Variants in NTRK1 observed in about 807,000 individuals in gnomAD.
NTRK1 encodes the protein neurotrophic receptor tyrosine kinase 1.
A neutral mutation model predicts 86.8 loss-of-function variants in NTRK1; 62 were observed. That is an observed-to-expected ratio of 0.71 (90% CI 0.58 to 0.88). NTRK1 has a LOEUF of 0.88. NTRK1 is among the 40% of genes least tolerant of loss of function. The probability of loss-of-function intolerance (pLI) is 0.00; values close to 1 mark genes in which losing one functional copy is unlikely to be tolerated. For synonymous variants in NTRK1, 469 were observed against 456.6 expected (o/e 1.03, Z -0.35); for missense variants, 967 against 1,078.4 (o/e 0.90, Z 1.45).
At chr1:156,867,837 C>T (rs933370426) in intron 4 of NTRK1, among the ~76,000 whole-genome samples, 6 of 151,502 alleles carry the variant, frequency 4.0e-5, no homozygotes, top group Admixed American at 3.3e-4. Context: ...CCATGCCTGG[C>T]TAAGTTTTTG....
intron 2 of NTRK1, chr1:156,845,081 G>T: frequency 6.2e-7 from 1 of 1,606,428 alleles, no homozygotes; most frequent in Non-Finnish European, 8.5e-7. Flanking sequence ...CCTACTGTGG[G>T]GCATGGTGCG....
At chr1:156,849,095 G>A (rs1352775375) in intron 2 of NTRK1, 1 of 1,602,118 alleles carries the variant, frequency 6.2e-7, no homozygotes, top group Non-Finnish European at 8.5e-7. Context: ...CCAGCTGCTT[G>A]AGCGCCCACC....
chr1:156,875,583 G>A lies in NTRK1; in HGVS notation c.1418G>A (p.Gly473Asp), dbSNP rs1239229213. The A allele has an allele frequency of 1.2e-6, 2 of 1,613,896 alleles. No individual in the cohort carries two copies. The highest frequency in any genetic ancestry group is 2.2e-5 in the East Asian group (1 of 44,876). The stretch of plus-strand genomic sequence containing the variant: ...TCCCTGCATTTCATGACATTGGGTG[G>A]CAGCTCCCTGTCCCCCACCGAGGGC... Reference protein sequence around the residue: ...AMSLHFMTLGGSSLSPTEGKG... With the variant: ...AMSLHFMTLGDSSLSPTEGKG... Residue 473 changes from glycine to aspartate, a missense_variant, in exon 12 of 17, where the codon GGC becomes GAC. Gly to Asp is a moderately conservative substitution (Grantham distance 94). This residue lies in a region of NTRK1 where 637 missense variants were observed against 776.5 expected (regional missense o/e 0.82). Coordinates refer to ENST00000524377, the MANE Select transcript of NTRK1 (RefSeq NM_002529.4).
Position 156,871,581 on chromosome 1 carries a change from G to C in NTRK1, c.718-42G>C, listed in dbSNP as rs780661901. On this transcript the variant is annotated intron_variant, in intron 6 of 16. Coordinates refer to ENST00000524377, the MANE Select transcript of NTRK1 (RefSeq NM_002529.4). ...AGACTTCAGCCCCAGCCCCAAGCTGGCTAAAGCTCCTTCTTATTCCCCCCT... is the reference window on the plus strand; with the variant it reads ...AGACTTCAGCCCCAGCCCCAAGCTGCCTAAAGCTCCTTCTTATTCCCCCCT... 3.9e-5 allele frequency: 63 copies of C among 1,613,068 alleles called. 1 individual carries two copies. The Middle Eastern group carries it at 6.6e-4, about 17-fold the overall frequency.
intron 11 of NTRK1, among the ~76,000 whole-genome samples, chr1:156,875,257 A>G (rs1647829071): frequency 6.6e-6 from 1 of 151,746 alleles, no homozygotes; most frequent in Non-Finnish European, 1.5e-5. Context: ...GATTGTAGTC[A>G]AGCATTAAGT....
chr1:156,881,221 G>A (rs1429326588), intron 16 of NTRK1, among the ~76,000 whole-genome samples: 1 of 152,190 alleles, frequency 6.6e-6, no homozygotes, highest in East Asian at 1.9e-4. Context: ...TTTTCTGGAA[G>A]CAATCCTACC....
chr1:156,835,499 A>G (rs1227016455), intron 1 of NTRK1, among the ~76,000 whole-genome samples: 1 of 152,212 alleles, frequency 6.6e-6, no homozygotes, highest in Non-Finnish European at 1.5e-5. Context: ...AAAAATCACA[A>G]AGAGAAAATA....
chr1:156,841,311 G>A (rs1654770334), intron 1 of NTRK1: 2 of 1,321,090 alleles, frequency 1.5e-6, no homozygotes, highest in Non-Finnish European at 1.1e-6. Flanking sequence ...AGCATCAGAG[G>A]AGGTGAGCCA....
At position 156,873,018 on chromosome 1, in the gene NTRK1, A is replaced by AGTGTGTGTGTGTGT. The variant is rs55870362; in HGVS notation, c.851-584_851-571dup. Among the ~76,000 whole-genome samples the AGTGTGTGTGTGTGT allele has an allele frequency of 2.8e-3, 372 of 131,016 alleles. 2 individuals are homozygous for AGTGTGTGTGTGTGT. Among genetic ancestry groups the AGTGTGTGTGTGTGT allele is most frequent in the Non-Finnish European group, 4.3e-3 (269 of 62,496 alleles). The allele number at this position is 131,016 out of a possible 152,430, so 86.0% of individuals were successfully genotyped here. A position where few individuals can be genotyped will look rare whatever the true frequency, so the allele number is the denominator to read the frequency against. On this transcript the variant is annotated intron_variant, in intron 7 of 16. Coordinates refer to ENST00000524377, the MANE Select transcript of NTRK1 (RefSeq NM_002529.4). ...CAAACGCATATCTTTTTTCAAAAAG[A>AGTGTGTGTGTGTGT]GTGTGTGTGTGTGTGTGTGTGTGTG...
intron 6 of NTRK1, among the ~76,000 whole-genome samples, chr1:156,869,617 G>A (rs536948572): frequency 6.6e-6 from 1 of 152,182 alleles, no homozygotes; most frequent in Non-Finnish European, 1.5e-5. Context: ...CTGCACTTTG[G>A]TTTTCTTATC....
At chr1:156,838,501 C>T (rs1250294687) in intron 1 of NTRK1, among the ~76,000 whole-genome samples, 1 of 152,080 alleles carries the variant, frequency 6.6e-6, no homozygotes, top group Non-Finnish European at 1.5e-5. Context: ...CCTTCCTTCT[C>T]CAGGTCAACC....
chr1:156,876,990 ATTATTTT>A (rs1480662693), intron 14 of NTRK1, among the ~76,000 whole-genome samples: 5 of 152,258 alleles, frequency 3.3e-5, no homozygotes, highest in Admixed American at 6.5e-5. Flanking sequence ...TTTATAATTT[ATTATTTT>A]TTATTTTTTA....
intron 5 of NTRK1, 30 bp from the exon 6 acceptor site, chr1:156,868,475 C>G (rs2102894103): frequency 1.3e-6 from 2 of 1,552,410 alleles, no homozygotes; most frequent in East Asian, 2.4e-5. Context: ...CTCTAACACC[C>G]CTTGGCCCTC....
At chr1:156,864,978 C>T in intron 3 of NTRK1, 179 bp downstream of exon 3, 1 of 674,350 alleles carries the variant, frequency 1.5e-6, no homozygotes, top group Non-Finnish European at 2.7e-6. Flanking sequence ...ATGCTCTCGC[C>T]CCTGACAGCT....
rs528444530 is a variant in NTRK1 at position 156,865,035 on chromosome 1, C to T, written c.359+236C>T. 1.5e-5 allele frequency: 9 copies of T among 596,724 alleles called. No homozygotes were observed. In the East Asian group the frequency reaches 2.3e-4, roughly 15 times the overall value. 37.0% of individuals were successfully genotyped at this position (596,724 alleles called of 1,614,324 possible). Reference sequence around the variant, plus strand: ...ACTTCCATGGTCCATGCTGCAAGGACACTTCTCATAGGTGCCTGCCCTATC... The same window carrying T: ...ACTTCCATGGTCCATGCTGCAAGGATACTTCTCATAGGTGCCTGCCCTATC... On this transcript the variant is annotated intron_variant, in intron 3 of 16. Transcript: ENST00000524377.
intron 2 of NTRK1, chr1:156,845,259 G>T (rs759130674): frequency 6.2e-7 from 1 of 1,611,712 alleles, no homozygotes; most frequent in Non-Finnish European, 8.5e-7. Context: ...CCCCCCAGCC[G>T]GAGGGGCCCA....
chr1:156,841,575 CAG>C lies in NTRK1; in HGVS notation c.-63-505_-63-504del, dbSNP rs772767878. 3.1e-6 allele frequency: 5 copies of C among 1,612,204 alleles called. No homozygotes were observed. The African/African-American group carries it at 6.7e-5, about 22-fold the overall frequency. On this transcript the variant is annotated intron_variant, in intron 1 of 16. Transcript: ENST00000392302. ...TGAGCCCAGCACCCTTCGTGCTACT[CAG>C]TGCATTCCAAGGGATGGGGGTGTTC...
intron 14 of NTRK1, among the ~76,000 whole-genome samples, chr1:156,877,973 CTT>C (rs1012032696): frequency 3.9e-5 from 6 of 152,194 alleles, no homozygotes; most frequent in African/African-American, 1.4e-4. Flanking sequence ...GAGCCTATCT[CTT>C]TGCTCCCAGA....
At chr1:156,849,884 G>A (rs1219117822) in intron 2 of NTRK1, among the ~76,000 whole-genome samples, 1 of 151,892 alleles carries the variant, frequency 6.6e-6, no homozygotes, top group Non-Finnish European at 1.5e-5. Flanking sequence ...AGAAGCCACA[G>A]AGAGCCACTA....
Sources: allele counts gnomAD v4.1 joint callset (sites outside exome capture counted in the v4.1 genomes callset), GRCh38; gene constraint gnomAD v4.1.1; regional missense constraint gnomAD v4.1.1; transcripts MANE v1.5; gene names NCBI Gene and HGNC (gene_info 2026-07-23, HGNC 2026-07-21).